Variants in TACC3 observed in about 807,000 individuals in gnomAD.
TACC3 encodes the protein transforming acidic coiled-coil-containing protein 3.
In TACC3, 52 loss-of-function variants were observed where a neutral mutation model predicts 86.0. That is an observed-to-expected ratio of 0.60 (90% CI 0.48 to 0.76). The LOEUF is 0.76. TACC3 is among the 30% of genes least tolerant of loss of function. The pLI, the probability that TACC3 is intolerant of heterozygous loss-of-function variation, is 0.00. For synonymous variants in TACC3, 512 were observed against 430.0 expected, an observed-to-expected ratio of 1.19 and a Z score of -2.36; for missense variants, 1,120 against 1,070.4, an observed-to-expected ratio of 1.05 and a Z score of -0.65.
chr4:1,730,284 G>T (rs1178818254), intron 4 of TACC3: 1 of 187,394 alleles, frequency 5.3e-6, no homozygotes, highest in Non-Finnish European at 1.1e-5. Context: ...TGATCCGACC[G>T]CCTCGGCCTC....
At chr4:1,737,101 T>G in intron 8 of TACC3, 140 bp from the exon 9 acceptor site, 3 of 666,422 alleles carry the variant, frequency 4.5e-6, no homozygotes, top group Non-Finnish European at 8.0e-6. Context: ...GATGCGGGTC[T>G]GCGTTTTCTA....
chr4:1,727,945 C>T lies in TACC3; in HGVS notation c.543C>T (p.Ala181=), dbSNP rs762508879. ...AAGTGTCTGGCAGCCCTGAGCAAGC[C>T]GTGGAGGAAAACCTTAGTTCCTATT... The part of the protein sequence containing the change: ...PGKVSGSPEQ[A]VEENLSSYSL... Residue 181 remains alanine (A), a synonymous_variant, in exon 4 of 16, where the codon GCC becomes GCT. Transcript: ENST00000313288. 6.2e-6 allele frequency: 10 copies of T among 1,613,682 alleles called. No individual in the cohort carries two copies. Among genetic ancestry groups the T allele is most frequent in the African/African-American group, 5.3e-5 (4 of 74,932 alleles).
chr4:1,744,344 G>C, intron 13 of TACC3, 174 bp from the exon 14 acceptor site: 1 of 621,486 alleles, frequency 1.6e-6, no homozygotes, highest in Non-Finnish European at 2.8e-6. Flanking sequence ...AACCTCCAGA[G>C]GGGGTGAGCT....
chr4:1,729,325 T>C (rs542017686), intron 4 of TACC3, among the ~76,000 whole-genome samples: 1 of 152,174 alleles, frequency 6.6e-6, no homozygotes, highest in South Asian at 2.1e-4. Context: ...GACAAGAGAT[T>C]GTACAAATAA....
intron 3 of TACC3, among the ~76,000 whole-genome samples, chr4:1,725,255 T>G (rs1204173088): frequency 1.3e-5 from 2 of 152,112 alleles, no homozygotes; most frequent in African/African-American, 4.8e-5. Context: ...TAAGCAGATT[T>G]TAGATGTGCA....
intron 1 of TACC3, among the ~76,000 whole-genome samples, chr4:1,722,406 T>A (rs561358946): frequency 6.6e-6 from 1 of 152,208 alleles, no homozygotes; most frequent in Admixed American, 6.5e-5. Context: ...AAGTCCCATA[T>A]GTGCCAGTGG....
chr4:1,741,103 C>G, intron 13 of TACC3, 117 bp downstream of exon 13: 1 of 1,005,770 alleles, frequency 9.9e-7, no homozygotes, highest in Non-Finnish European at 1.5e-6. Context: ...CCTCCCCTTG[C>G]CACGGGGGCA....
At chr4:1,736,260 C>G (rs1718256975) in intron 8 of TACC3, among the ~76,000 whole-genome samples, 1 of 151,804 alleles carries the variant, frequency 6.6e-6, no homozygotes, top group Admixed American at 6.6e-5. Context: ...CCCGTCTCTA[C>G]TAAAATACAA....
Position 1,737,243 on chromosome 4 carries a change from T to G in TACC3, c.1751T>G (p.Met584Arg), listed in dbSNP as rs753245384. The G allele has an allele frequency of 3.9e-5, 63 of 1,613,880 alleles. No homozygotes were observed. Among genetic ancestry groups the G allele is most frequent in the Non-Finnish European group, 4.9e-5 (58 of 1,179,988 alleles). ...AGGCTGCCTCTGCTTGGTGGCAGCATGCACGGTGCAAATGAGACTCCCTCA... is the reference window on the plus strand; with the variant it reads ...AGGCTGCCTCTGCTTGGTGGCAGCAGGCACGGTGCAAATGAGACTCCCTCA... ...PVPVATETSSMHGANETPSGR... is the reference protein window; with the variant it reads ...PVPVATETSSRHGANETPSGR... The change falls in exon 9 of 16, where the codon ATG becomes AGG. Residue 584 changes from methionine to arginine, a missense_variant and splice_region_variant. By Grantham distance (91) the Met-to-Arg change is moderately conservative. Coordinates refer to ENST00000313288, the MANE Select transcript of TACC3 (RefSeq NM_006342.3).
At chr4:1,724,403 TTTC>T (rs1717584062) in intron 3 of TACC3, among the ~76,000 whole-genome samples, 1 of 145,280 alleles carries the variant, frequency 6.9e-6, no homozygotes, top group African/African-American at 2.6e-5. Flanking sequence ...TTTTTTTTTT[TTTC>T]TGGAGACAGA....
chr4:1,741,552 G>A (rs1230172695), intron 13 of TACC3: 1 of 152,384 alleles, frequency 6.6e-6, no homozygotes, highest in Non-Finnish European at 1.5e-5. Context: ...AGGTGCCTGC[G>A]AGGCCGCCAG....
intron 6 of TACC3, among the ~76,000 whole-genome samples, chr4:1,734,679 TC>T (rs1273413486): frequency 6.6e-6 from 1 of 152,108 alleles, no homozygotes; most frequent in Non-Finnish European, 1.5e-5. Context: ...AGGCACCTTT[TC>T]TTTTTTTTTG....
intron 12 of TACC3, chr4:1,740,446 GTC>G: frequency 3.2e-6 from 1 of 307,980 alleles, no homozygotes. Flanking sequence ...TAGGCTGAGT[GTC>G]AGCCGGCGGC....
chr4:1,737,614 C>G lies in TACC3; in HGVS notation c.1853C>G (p.Pro618Arg), dbSNP rs549976263. The G allele has an allele frequency of 1.3e-6, 2 of 1,521,194 alleles. No homozygotes were observed. The highest frequency in any genetic ancestry group is 4.2e-5 in the Admixed American group (2 of 47,788). 94.2% of individuals were successfully genotyped at this position (1,521,194 alleles called of 1,614,324 possible). ...ALDIPVPGPPPGVPAPGGPPL... is the reference protein window; with the variant it reads ...ALDIPVPGPPRGVPAPGGPPL... ...CTCCCGCAGGTGCCAGGCCCACCCC[C>G]AGGTGTTCCCGCGCCTGGGGGCCCA... Residue 618 changes from proline to arginine, a missense_variant, in exon 10 of 16, where the codon CCA (proline) becomes CGA (arginine). Pro to Arg is a moderately radical substitution (Grantham distance 103). Transcript: ENST00000313288.
intron 4 of TACC3, 105 bp from the exon 5 acceptor site, chr4:1,730,782 C>T (rs573628229): frequency 1.6e-5 from 21 of 1,283,264 alleles, no homozygotes; most frequent in African/African-American, 1.0e-4. Context: ...TTCACGTGGC[C>T]GGCACAGCAG....
chr4:1,729,367 C>G (rs1285363552), intron 4 of TACC3, among the ~76,000 whole-genome samples: 1 of 152,078 alleles, frequency 6.6e-6, no homozygotes, highest in Admixed American at 6.6e-5. Flanking sequence ...GAAAAGACAG[C>G]TGGGCCCGGG....
rs190958332 is a variant in TACC3 at position 1,724,708 on chromosome 4, G to T, written c.305+838G>T. Among the ~76,000 whole-genome samples the T allele has an allele frequency of 1.6e-4, 25 of 151,896 alleles. No homozygotes were observed. The East Asian group carries it at 4.4e-3, about 27-fold the overall frequency. On this transcript the variant is annotated intron_variant, in intron 3 of 15. Transcript: ENST00000313288. ...CCAGGAACACCTCATCTGCATCCAG[G>T]GTGGGAAGGGACCCCAGAGGCATGA...
upstream of TACC3, chr4:1,721,066 G>C (rs1717310047): frequency 4.1e-5 from 12 of 291,018 alleles, no homozygotes; most frequent in South Asian, 1.4e-3. Context: ...CCCGCCGCCC[G>C]GCCGCCCGCG....
intron 13 of TACC3, among the ~76,000 whole-genome samples, chr4:1,743,716 C>T (rs554540984): frequency 1.3e-5 from 2 of 152,134 alleles, no homozygotes; most frequent in African/African-American, 2.4e-5. Context: ...GGAGAGACGC[C>T]GCTGTGGCGG....
Sources: allele counts gnomAD v4.1 joint callset (sites outside exome capture counted in the v4.1 genomes callset), GRCh38; gene constraint gnomAD v4.1.1; transcripts MANE v1.5; gene names NCBI Gene and HGNC (gene_info 2026-07-23, HGNC 2026-07-21).